The following ZNF83 variants were observed in gnomAD, a reference collection of about 807,000 sequenced individuals.
ZNF83 encodes the protein zinc finger protein 83.
For synonymous variants in ZNF83, 209 were observed against 213.0 expected (o/e 0.98, Z 0.17); for missense variants, 552 against 629.9 (o/e 0.88, Z 1.32).
chr19:52,677,732 G>T (rs1190589826), intron 1 of ZNF83, among the ~76,000 whole-genome samples: 1 of 151,896 alleles, frequency 6.6e-6, no homozygotes, highest in African/African-American at 2.4e-5. Context: ...GGTAGAGATC[G>T]GTTTGTGAAA....
At chr19:52,656,471 G>C (rs2061506448) in intron 2 of ZNF83, among the ~76,000 whole-genome samples, 1 of 152,088 alleles carries the variant, frequency 6.6e-6, no homozygotes, top group Non-Finnish European at 1.5e-5. Flanking sequence ...GTTGTGGTAA[G>C]CTGAGATGAC....
intron 3 of ZNF83, among the ~76,000 whole-genome samples, chr19:52,646,921 C>T (rs1421451133): frequency 1.1e-4 from 17 of 152,168 alleles, no homozygotes; most frequent in Non-Finnish European, 2.4e-4. Flanking sequence ...ATTACATAAC[C>T]TGTCACTGTA....
At chr19:52,614,428 G>A (rs775565492) in exon 3 of ZNF83, 1 of 1,613,694 alleles carries the variant, frequency 6.2e-7, no homozygotes, top group Non-Finnish European at 8.5e-7. Flanking sequence ...ACTGTTGACA[G>A]ATTTTTCCAT....
At chr19:52,650,792 A>T (rs1005681366) in intron 3 of ZNF83, 2 of 152,210 alleles carry the variant, frequency 1.3e-5, no homozygotes, top group African/African-American at 4.8e-5. Flanking sequence ...CTAATGGCAA[A>T]GTTAGGTATA....
At chr19:52,655,802 C>T in intron 2 of ZNF83, 1 of 561,648 alleles carries the variant, frequency 1.8e-6, no homozygotes, top group Non-Finnish European at 3.2e-6. Context: ...CTGACAAACC[C>T]ACATTAAGGT....
In ZNF83 at chr19:52,666,002, C is replaced by CAA. The variant is rs36054712; in HGVS notation, c.-282-5161_-282-5160dup. ...TGAAACCCCGTCTCTACTAAAAATA[C>CAA]AAAAAAAAAAAATTAGCCGGGCATG... On this transcript the variant is annotated intron_variant, in intron 1 of 5. Transcript: ENST00000594682. 2.8e-4 allele frequency among the ~76,000 whole-genome samples: 41 copies of CAA among 144,408 alleles called. 1 individual carries two copies. The highest frequency in any genetic ancestry group is 8.9e-4 in the South Asian group (4 of 4,502). The allele number at this position is 144,408 out of a possible 152,430, so 94.7% of individuals were successfully genotyped here.
At chr19:52,645,271 A>T (rs1331032327) in intron 3 of ZNF83, among the ~76,000 whole-genome samples, 3 of 152,252 alleles carry the variant, frequency 2.0e-5, no homozygotes, top group African/African-American at 4.8e-5. Flanking sequence ...AAACCTCTGC[A>T]TTAGGTACCA....
At chr19:52,675,598 T>G (rs111571023) in intron 1 of ZNF83, among the ~76,000 whole-genome samples, 6,035 of 151,924 alleles carry the variant, frequency 0.04, 350 homozygotes, top group African/African-American at 0.13. Context: ...TTGGAGGGGA[T>G]GGGCTCACGG....
rs561132763 is a variant in ZNF83 at position 52,637,025 on chromosome 19, C to G, written c.-322+1287G>C. 5.2e-5 allele frequency: 8 copies of G among 152,456 alleles called. No homozygotes were observed. The East Asian group carries it at 5.8e-4, about 11-fold the overall frequency. 9.4% of individuals were successfully genotyped at this position (152,456 alleles called of 1,614,324 possible). ...TATCTCTCATTCTCCCCTTCTCTCTCTAGCTCTTGTTTTCTTTTCTTTTTA... is the reference window on the plus strand; with the variant it reads ...TATCTCTCATTCTCCCCTTCTCTCTGTAGCTCTTGTTTTCTTTTCTTTTTA... On this transcript the variant is annotated intron_variant, in intron 1 of 2. Transcript: ENST00000301096.
exon 3 of ZNF83, chr19:52,614,393 G>T (rs774686513): frequency 6.2e-7 from 1 of 1,613,316 alleles, no homozygotes; most frequent in Non-Finnish European, 8.5e-7. Context: ...GAAGAAATAC[G>T]TTGGGGTGGG....
intron 1 of ZNF83, among the ~76,000 whole-genome samples, chr19:52,676,170 A>T (rs940627435): frequency 1.3e-5 from 2 of 151,958 alleles, no homozygotes; most frequent in South Asian, 2.1e-4. Flanking sequence ...TTTGGTGGAG[A>T]CGGGGTTTCG....
rs140746825 is a variant in ZNF83 at position 52,655,119 on chromosome 19, G to C, written c.-74+442C>G. 1.9e-4 allele frequency: 29 copies of C among 155,352 alleles called. No individual in the cohort carries two copies. In the East Asian group the frequency reaches 4.5e-3, roughly 24 times the overall value. 9.6% of individuals were successfully genotyped at this position (155,352 alleles called of 1,614,324 possible). ...TGAGAATTGCTTGAATGCAGGAGGC[G>C]GAGGTTGCAATGAGCTGAGATCACA... is the stretch of plus-strand genomic sequence containing the variant. On this transcript the variant is annotated intron_variant, in intron 3 of 5. Coordinates refer to the ZNF83 transcript ENST00000594682.
intron 2 of ZNF83, among the ~76,000 whole-genome samples, chr19:52,634,030 G>A (rs1044948411): frequency 6.6e-6 from 1 of 151,310 alleles, no homozygotes; most frequent in Non-Finnish European, 1.5e-5. Context: ...AGCACTATAG[G>A]AGGCTGAGGC....
At chr19:52,666,217 CAGAG>C (rs1210741820) in intron 1 of ZNF83, among the ~76,000 whole-genome samples, 2 of 146,766 alleles carry the variant, frequency 1.4e-5, no homozygotes, top group African/African-American at 2.5e-5. Context: ...GAGAAAGAGA[CAGAG>C]AGACAAAAAG....
intron 1 of ZNF83, among the ~76,000 whole-genome samples, chr19:52,664,174 C>T (rs1211974054): frequency 7.1e-6 from 1 of 140,344 alleles, no homozygotes; most frequent in Non-Finnish European, 1.5e-5. Flanking sequence ...TGAGCCACTG[C>T]ACCAGGCCTA....
At chr19:52,629,240 A>G (rs1568544535) in intron 2 of ZNF83, among the ~76,000 whole-genome samples, 1 of 152,178 alleles carries the variant, frequency 6.6e-6, no homozygotes, top group Non-Finnish European at 1.5e-5. Flanking sequence ...AATTCTTGTC[A>G]TAAAATAAGC....
chr19:52,662,661 C>T (rs1002131441), intron 1 of ZNF83, among the ~76,000 whole-genome samples: 7 of 152,122 alleles, frequency 4.6e-5, no homozygotes, highest in Admixed American at 2.6e-4. Context: ...TTTGGCCAAT[C>T]ATTTCAGGGG....
intron 2 of ZNF83, among the ~76,000 whole-genome samples, chr19:52,629,027 A>G (rs2060851710): frequency 6.6e-6 from 1 of 151,358 alleles, no homozygotes; most frequent in African/African-American, 2.4e-5. Flanking sequence ...CTCCTTCACT[A>G]TAGGCAATAT....
At chr19:52,645,806 C>CT (rs1354358469) in intron 3 of ZNF83, among the ~76,000 whole-genome samples, 1 of 148,894 alleles carries the variant, frequency 6.7e-6, no homozygotes, top group Admixed American at 6.7e-5. Flanking sequence ...GATTCTGCCC[C>CT]CCCCCAAAAA....
Sources: gnomAD v4.1 joint callset for allele counts (sites outside exome capture counted in the v4.1 genomes callset) on GRCh38, gnomAD v4.1.1 for gene constraint, MANE v1.5 for transcripts, NCBI Gene and HGNC (gene_info 2026-07-23, HGNC 2026-07-21) for gene names.